The following SCARB1 variants were observed in gnomAD, a reference collection of about 807,000 sequenced individuals.
SCARB1 encodes scavenger receptor class B member 1.
In SCARB1, 30 loss-of-function variants were observed where a neutral mutation model predicts 57.2. That is an observed-to-expected ratio of 0.52 (90% CI 0.39 to 0.71). SCARB1 has a LOEUF of 0.71. Ranked by LOEUF, SCARB1 falls within the 30% of genes least tolerant of loss-of-function variation. SCARB1 has a pLI of 0.00. For synonymous variants in SCARB1, 249 were observed against 268.3 expected, an observed-to-expected ratio of 0.93 and a Z score of 0.70; for missense variants, 543 against 671.2, an observed-to-expected ratio of 0.81 and a Z score of 2.11.
At chr12:124,828,334 G>A (rs1315458833) in intron 1 of SCARB1, among the ~76,000 whole-genome samples, 1 of 151,996 alleles carries the variant, frequency 6.6e-6, no homozygotes, top group Non-Finnish European at 1.5e-5. Context: ...CCTCCATGAA[G>A]CCCACTGGAA....
At chr12:124,794,116 G>A (rs1199294552) in intron 9 of SCARB1, among the ~76,000 whole-genome samples, 1 of 152,206 alleles carries the variant, frequency 6.6e-6, no homozygotes, top group Non-Finnish European at 1.5e-5. Context: ...GACAGGAAGT[G>A]GATGAACGGT....
At chr12:124,854,907 C>T (rs1329069182) in intron 1 of SCARB1, among the ~76,000 whole-genome samples, 3 of 152,064 alleles carry the variant, frequency 2.0e-5, no homozygotes, top group Non-Finnish European at 4.4e-5. Context: ...GGTCTGGGCC[C>T]AGGGATACCA....
intron 1 of SCARB1, among the ~76,000 whole-genome samples, chr12:124,835,318 G>A (rs1951597649): frequency 6.6e-6 from 1 of 151,692 alleles, no homozygotes; most frequent in South Asian, 2.1e-4. Context: ...GAGTGCACTG[G>A]TGCAGTCCGA....
At chr12:124,811,724 C>G (rs888600535) in intron 5 of SCARB1, 146 bp downstream of exon 5, 3 of 664,818 alleles carry the variant, frequency 4.5e-6, no homozygotes, top group Admixed American at 4.4e-5. Flanking sequence ...ATCCCTCCTC[C>G]AACTTCAAGA....
chr12:124,845,787 C>T (rs1370511393), intron 1 of SCARB1, among the ~76,000 whole-genome samples: 5 of 151,164 alleles, frequency 3.3e-5, no homozygotes, highest in Admixed American at 6.6e-5. Context: ...AGGTGGATGA[C>T]CTGAGGTCAG....
intron 2 of SCARB1, among the ~76,000 whole-genome samples, chr12:124,816,499 C>G (rs548725618): frequency 6.6e-6 from 1 of 152,222 alleles, no homozygotes; most frequent in Admixed American, 6.5e-5. Flanking sequence ...AATGCAGCAG[C>G]TGATTCATGT....
chr12:124,817,418 C>A lies in SCARB1; in HGVS notation c.284+132G>T, dbSNP rs531276665. On this transcript the variant is annotated intron_variant, in intron 2 of 12. Transcript: ENST00000261693. The surrounding 1 kb of genome is among the most constrained non-coding windows in gnomAD (Gnocchi z 4.8). ...ACTTCTCTGGGACTAGCACTTACCC[C>A]GACTATGACTTGCCTGCTTCCGGAA... The A allele has an allele frequency of 2.0e-5, 17 of 864,724 alleles. No individual in the cohort carries two copies. The highest frequency in any genetic ancestry group is 3.1e-5 in the Non-Finnish European group (17 of 546,416). 53.6% of individuals were successfully genotyped at this position (864,724 alleles called of 1,614,324 possible).
chr12:124,778,621 G>A (rs756075795), intron 12 of SCARB1, 35 bp from the exon 13 acceptor site: 6 of 1,408,966 alleles, frequency 4.3e-6, no homozygotes, highest in Admixed American at 3.9e-5. Flanking sequence ...GACCACCCAC[G>A]CCCTGTCACC....
intron 1 of SCARB1, among the ~76,000 whole-genome samples, chr12:124,860,733 C>T (rs540694037): frequency 6.6e-5 from 10 of 152,292 alleles, no homozygotes; most frequent in African/African-American, 1.9e-4. Context: ...CGGGATATCG[C>T]TGTCATTTGT....
At chr12:124,798,809 A>C (rs1477223187) in intron 8 of SCARB1, among the ~76,000 whole-genome samples, 1 of 150,816 alleles carries the variant, frequency 6.6e-6, no homozygotes, top group South Asian at 2.1e-4. Flanking sequence ...GTGCCACTGC[A>C]CTCCAGCCTG....
chr12:124,863,487 C>G, intron 1 of SCARB1, 108 bp downstream of exon 1: 1 of 1,257,734 alleles, frequency 8.0e-7, no homozygotes, highest in Non-Finnish European at 1.1e-6. Context: ...GGCCCGGGCG[C>G]CGATTCCGCT....
At chr12:124,825,910 G>A (rs1951138732) in intron 1 of SCARB1, among the ~76,000 whole-genome samples, 2 of 152,270 alleles carry the variant, frequency 1.3e-5, no homozygotes, top group South Asian at 4.2e-4. Context: ...CTGGGGAGGT[G>A]GGGAGATGCA....
intron 1 of SCARB1, among the ~76,000 whole-genome samples, chr12:124,825,716 T>C (rs928644630): frequency 6.6e-6 from 1 of 152,106 alleles, no homozygotes; most frequent in African/African-American, 2.4e-5. Flanking sequence ...AAAGATAAGC[T>C]GGGCTTCTGC....
chr12:124,838,562 G>C (rs956030218), intron 1 of SCARB1, among the ~76,000 whole-genome samples: 2 of 152,046 alleles, frequency 1.3e-5, no homozygotes, highest in Non-Finnish European at 2.9e-5. Flanking sequence ...AGAAGCTCAG[G>C]GCTGCCTGCT....
chr12:124,863,386 C>G (rs535662730), intron 1 of SCARB1, among the ~76,000 whole-genome samples: 6 of 152,296 alleles, frequency 3.9e-5, no homozygotes, highest in South Asian at 4.1e-4. Context: ...TGGGTTCCCC[C>G]CTAGCCTCAG....
intron 12 of SCARB1, among the ~76,000 whole-genome samples, chr12:124,780,587 C>T (rs754974849): frequency 2.6e-5 from 4 of 152,224 alleles, no homozygotes; most frequent in African/African-American, 7.2e-5. Flanking sequence ...CTGCATTCCC[C>T]GTTTCACATG....
At chr12:124,837,454 A>G (rs1319313027) in intron 1 of SCARB1, among the ~76,000 whole-genome samples, 2 of 119,280 alleles carry the variant, frequency 1.7e-5, no homozygotes, top group East Asian at 2.3e-4. Context: ...AAAGAAAGAA[A>G]GAAGGAAAGA....
chr12:124,861,897 C>CT (rs1952918041), intron 1 of SCARB1, among the ~76,000 whole-genome samples: 1 of 152,082 alleles, frequency 6.6e-6, no homozygotes, highest in Non-Finnish European at 1.5e-5. Context: ...CACACACATC[C>CT]TACTGACATA....
intron 1 of SCARB1, among the ~76,000 whole-genome samples, chr12:124,852,643 C>T (rs540665976): frequency 5.3e-5 from 8 of 152,342 alleles, no homozygotes; most frequent in African/African-American, 9.6e-5. Context: ...CAGCCATGAA[C>T]GAGACAGATA....
Sources: allele counts gnomAD v4.1 joint callset (sites outside exome capture counted in the v4.1 genomes callset), GRCh38; gene constraint gnomAD v4.1.1; non-coding constraint Gnocchi (gnomAD v3.1); transcripts MANE v1.5; gene names NCBI Gene and HGNC (gene_info 2026-07-23, HGNC 2026-07-21).